ARIH1: variants seen among roughly 807,000 people sequenced by gnomAD.
ARIH1 encodes the protein E3 ubiquitin-protein ligase ARIH1.
In ARIH1, 8 loss-of-function variants were observed where a neutral mutation model predicts 85.0. The ratio of observed to expected loss-of-function variants is 0.09; its 90% CI spans 0.06 to 0.17. ARIH1 has a LOEUF of 0.17. Among genes scored for constraint, ARIH1 ranks in the 10% least tolerant of loss-of-function variants. The pLI, the probability that ARIH1 is intolerant of heterozygous loss-of-function variation, is 1.00. For synonymous variants in ARIH1, 238 were observed against 253.6 expected (o/e 0.94, Z 0.59); for missense variants, 311 against 718.1 (o/e 0.43, Z 6.48).
intron 1 of ARIH1, among the ~76,000 whole-genome samples, chr15:72,503,894 T>G (rs2063913464): frequency 6.6e-6 from 1 of 152,064 alleles, no homozygotes; most frequent in South Asian, 2.1e-4. Flanking sequence ...CAGGTTGGGG[T>G]GCCTGCAACC....
chr15:72,509,875 A>G (rs2063942268), intron 1 of ARIH1, among the ~76,000 whole-genome samples: 1 of 149,814 alleles, frequency 6.7e-6, no homozygotes, highest in Non-Finnish European at 1.5e-5. Flanking sequence ...CAGGTGTGAC[A>G]CCAATCGCCC....
intron 2 of ARIH1, among the ~76,000 whole-genome samples, chr15:72,519,104 T>C (rs1359928508): frequency 1.3e-5 from 2 of 152,146 alleles, no homozygotes; most frequent in Admixed American, 1.3e-4. Flanking sequence ...CACTTGTTAA[T>C]GGTGAGGTTG....
intron 2 of ARIH1, among the ~76,000 whole-genome samples, chr15:72,541,377 A>G (rs944219682): frequency 2.6e-5 from 4 of 152,224 alleles, no homozygotes; most frequent in Non-Finnish European, 4.4e-5. Context: ...AGTGAAAAAA[A>G]GTTATAAAAC....
chr15:72,476,124 A>T lies in ARIH1; in HGVS notation c.375+1110A>T, dbSNP rs914342686. Among the ~76,000 whole-genome samples the T allele has an allele frequency of 2.0e-5, 3 of 152,232 alleles. No homozygotes were observed. The South Asian group carries it at 6.2e-4, about 31-fold the overall frequency. ...TGTTTAACTTAAATTGGTTGGCTAA[A>T]TATTCATTGACAAATTAGAAGTATG... is the stretch of plus-strand genomic sequence containing the variant. On this transcript the variant is annotated intron_variant, in intron 1 of 13. Coordinates refer to ENST00000379887, the MANE Select transcript of ARIH1 (RefSeq NM_005744.5).
chr15:72,479,551 G>C (rs2140389727), intron 1 of ARIH1, among the ~76,000 whole-genome samples: 1 of 152,062 alleles, frequency 6.6e-6, no homozygotes, highest in South Asian at 2.1e-4. Context: ...TGGGACTACA[G>C]GTGCGCGCCA....
At chr15:72,476,797 T>G (rs2063796799) in intron 1 of ARIH1, among the ~76,000 whole-genome samples, 1 of 152,232 alleles carries the variant, frequency 6.6e-6, no homozygotes, top group African/African-American at 2.4e-5. Flanking sequence ...GCCATTAATA[T>G]GGTTCCACGT....
At chr15:72,540,946 T>C (rs2064104367) in intron 2 of ARIH1, among the ~76,000 whole-genome samples, 1 of 152,176 alleles carries the variant, frequency 6.6e-6, no homozygotes, top group Non-Finnish European at 1.5e-5. Flanking sequence ...AAAGTGTTGA[T>C]GTGATCGGAC....
At chr15:72,565,535 T>C (rs1191000881) in intron 7 of ARIH1, among the ~76,000 whole-genome samples, 1 of 152,130 alleles carries the variant, frequency 6.6e-6, no homozygotes, top group Non-Finnish European at 1.5e-5. Context: ...GCAGGTAAGC[T>C]CACAGAGATT....
chr15:72,474,552 G>A lies in ARIH1; in HGVS notation c.-88G>A. ...GAGCCAGGCCTGCGTCCGGACATCA[G>A]CCGGAGCCGGAGCGAGAGCCGGGGC... is the stretch of plus-strand genomic sequence containing the variant. On this transcript the variant is annotated 5_prime_UTR_variant, in exon 1 of 14. Transcript: ENST00000379887. 1 of 1,435,626 alleles carries A rather than the reference G, an allele frequency of 7.0e-7. No individual in the cohort carries two copies. Among genetic ancestry groups the A allele is most frequent in the Non-Finnish European group, 9.2e-7 (1 of 1,092,612 alleles). 88.9% of individuals were successfully genotyped at this position (1,435,626 alleles called of 1,614,324 possible).
chr15:72,488,810 A>G (rs928528183), intron 1 of ARIH1, among the ~76,000 whole-genome samples: 1 of 152,230 alleles, frequency 6.6e-6, no homozygotes, highest in Admixed American at 6.5e-5. Context: ...GTGTAAGAAG[A>G]TGGCAAGGAA....
chr15:72,517,607 T>C (rs1199243551), intron 1 of ARIH1, among the ~76,000 whole-genome samples: 1 of 151,932 alleles, frequency 6.6e-6, no homozygotes, highest in African/African-American at 2.4e-5. Context: ...GTATTTTTAT[T>C]AGGGACGGGT....
At chr15:72,569,527 C>T (rs2064234661) in intron 9 of ARIH1, among the ~76,000 whole-genome samples, 1 of 152,120 alleles carries the variant, frequency 6.6e-6, no homozygotes, top group Non-Finnish European at 1.5e-5. Context: ...CCTGACTTGA[C>T]TTATGTGACC....
intron 9 of ARIH1, among the ~76,000 whole-genome samples, chr15:72,568,381 T>C (rs914832453): frequency 6.6e-6 from 1 of 152,236 alleles, no homozygotes; most frequent in African/African-American, 2.4e-5. Context: ...AAGGCAATTA[T>C]ATTTTCACTA....
rs1385196850 is a variant in ARIH1, at chr15:72,571,820, T to G, written c.1158-288T>G. ...TCTAATAATGATAGGTGAGCTGATT[T>G]GAAATGGACTGCCTCAGGAGGTGGG... is the stretch of plus-strand genomic sequence containing the variant. On this transcript the variant is annotated intron_variant, in intron 10 of 13. Transcript: ENST00000379887. Among the ~76,000 whole-genome samples, 4 of 152,202 alleles carry G rather than the reference T, an allele frequency of 2.6e-5. No individual in the cohort carries two copies. The East Asian group carries it at 5.8e-4, about 22-fold the overall frequency.
chr15:72,475,585 CCTT>C, intron 1 of ARIH1, among the ~76,000 whole-genome samples: 1 of 152,268 alleles, frequency 6.6e-6, no homozygotes, highest in Admixed American at 6.5e-5. Context: ...TGCTGATGGG[CCTT>C]CTTTTCAGAT....
rs1017116849 is a variant in ARIH1, at chr15:72,586,617, A to C, written c.*3325A>C. ...AAATGACTAAAGGTGGCTAATAGCC[A>C]CCCGTATTATGTGCCTTATTCACTG... On this transcript the variant is annotated 3_prime_UTR_variant, in exon 14 of 14. Transcript: ENST00000379887. 1.3e-5 allele frequency: 2 copies of C among 152,154 alleles called. No homozygotes were observed. The highest frequency in any genetic ancestry group is 2.4e-5 in the African/African-American group (1 of 41,444). The allele number at this position is 152,154 out of a possible 1,614,324, so 9.4% of individuals were successfully genotyped here.
At chr15:72,500,364 A>G (rs751185366) in intron 1 of ARIH1, among the ~76,000 whole-genome samples, 2 of 152,118 alleles carry the variant, frequency 1.3e-5, no homozygotes, top group Non-Finnish European at 2.9e-5. Flanking sequence ...AAGTGCTGGG[A>G]TTACAGGTGT....
chr15:72,571,992 T>C (rs979658661), intron 10 of ARIH1, 116 bp from the exon 11 acceptor site: 14 of 704,084 alleles, frequency 2.0e-5, no homozygotes, highest in Non-Finnish European at 3.3e-5. Flanking sequence ...TTCTCTGTTA[T>C]AAAAGATAAC....
chr15:72,580,103 G>C (rs1031222239), intron 11 of ARIH1, among the ~76,000 whole-genome samples: 1 of 151,796 alleles, frequency 6.6e-6, no homozygotes, highest in East Asian at 1.9e-4. Flanking sequence ...CTCTATCCCC[G>C]CAAGCCTCTG....
Sources: allele counts gnomAD v4.1 joint callset (sites outside exome capture counted in the v4.1 genomes callset), GRCh38; gene constraint gnomAD v4.1.1; transcripts MANE v1.5; gene names NCBI Gene and HGNC (gene_info 2026-07-23, HGNC 2026-07-21).